TSPEAR: variants seen among roughly 807,000 people sequenced by gnomAD.
TSPEAR encodes thrombospondin type laminin G domain and EAR repeats, also known as thrombospondin-type laminin G domain and EAR repeat-containing protein.
A neutral mutation model predicts 71.6 loss-of-function variants in TSPEAR; 69 were observed. The observed-to-expected ratio is 0.96, with a 90% CI of 0.79 to 1.18. The LOEUF is 1.18. Among genes scored for constraint, TSPEAR ranks in the 50% most tolerant of loss-of-function variants. The pLI is 0.00. For missense variants in TSPEAR, 971 were observed against 894.9 expected (o/e 1.09, Z -1.09); for synonymous variants, 402 against 387.2 (o/e 1.04, Z -0.45).
chr21:44,686,999 T>C (rs781854569), intron 1 of TSPEAR, among the ~76,000 whole-genome samples: 1 of 152,178 alleles, frequency 6.6e-6, no homozygotes, highest in Non-Finnish European at 1.5e-5. Flanking sequence ...TGGCTGAAGC[T>C]GCTGAGTCCA....
intron 10 of TSPEAR, chr21:44,508,988 T>G: frequency 1.3e-6 from 2 of 1,526,454 alleles, no homozygotes; most frequent in Non-Finnish European, 1.8e-6. Context: ...GAACCAAACC[T>G]GTGTCTCAGG....
intron 11 of TSPEAR, 29 bp from the exon 12 acceptor site, chr21:44,499,965 A>G: frequency 4.4e-6 from 7 of 1,582,248 alleles, no homozygotes; most frequent in Non-Finnish European, 6.0e-6. Context: ...CAGCCGGGTC[A>G]GCCTGGGCTC....
At position 44,509,369 on chromosome 21, in the gene TSPEAR, G is replaced by C. The variant is rs1555912334; in HGVS notation, c.1584C>G (p.Asp528Glu). 1 of 1,613,526 alleles carries C rather than the reference G, an allele frequency of 6.2e-7. No individual in the cohort carries two copies. The highest frequency in any genetic ancestry group is 1.7e-5 in the Admixed American group (1 of 59,980). The change falls in exon 10 of 12, where the codon GAC (aspartate) becomes GAG (glutamate). Residue 528 changes from aspartate (D) to glutamate (E), a missense_variant. Transcript: ENST00000323084. ...FQSFPTFGAA[D>E]WEVFQIGERI... Reference sequence around the variant, plus strand: ...TCTCCCCGATCTGGAAGACCTCCCAGTCTGCAGCACCGAACGTCTAGGACC... The same window carrying C: ...TCTCCCCGATCTGGAAGACCTCCCACTCTGCAGCACCGAACGTCTAGGACC...
intron 2 of TSPEAR, chr21:44,557,846 C>A: frequency 4.6e-6 from 3 of 648,664 alleles, no homozygotes; most frequent in Non-Finnish European, 5.3e-6. Flanking sequence ...TGGGGCAGGA[C>A]ACAGTGACCA....
At chr21:44,664,190 C>T (rs1985634143) in intron 1 of TSPEAR, among the ~76,000 whole-genome samples, 1 of 151,872 alleles carries the variant, frequency 6.6e-6, no homozygotes, top group South Asian at 2.1e-4. Flanking sequence ...CTAGAAAATC[C>T]CCAAAATTCT....
Position 44,506,807 on chromosome 21 carries a change from C to T in TSPEAR, c.1755-1926G>A, listed in dbSNP as rs1273518263. 5.9e-5 allele frequency: 9 copies of T among 152,284 alleles called. No individual in the cohort carries two copies. In the East Asian group the frequency reaches 7.7e-4, roughly 13 times the overall value. 9.4% of individuals were successfully genotyped at this position (152,284 alleles called of 1,614,324 possible). A position where few individuals can be genotyped will look rare whatever the true frequency, so the allele number is the denominator to read the frequency against. On this transcript the variant is annotated intron_variant, in intron 10 of 11. Coordinates refer to ENST00000323084, the MANE Select transcript of TSPEAR (RefSeq NM_144991.3). This position sits in a 1 kb window ranked among gnomAD's most constrained non-coding sequence, Gnocchi z 4.2. ...ACCCGAGGAAGACAAGCGGCCACGT[C>T]GGATGTACCAGTGGTGGAAGATCCT...
chr21:44,529,867 A>T lies in TSPEAR; in HGVS notation c.721T>A (p.Ser241Thr). The T allele has an allele frequency of 6.2e-7, 1 of 1,613,736 alleles. No individual in the cohort carries two copies. Among genetic ancestry groups the T allele is most frequent in the South Asian group, 1.1e-5 (1 of 91,090 alleles). The change falls in exon 5 of 12, where the codon TCC becomes ACC. Residue 241 changes from serine to threonine, a missense_variant. Coordinates refer to ENST00000323084, the MANE Select transcript of TSPEAR (RefSeq NM_144991.3). ...AGAGCCTGCAGGACCCGTGGGATGG[A>T]CAGCACCGCCAGCGGGGCGTTCCTG... is the stretch of plus-strand genomic sequence containing the variant. Reference protein sequence around the residue: ...PSRNAPLAVLSIPRVLQALTG... With the variant: ...PSRNAPLAVLTIPRVLQALTG...
chr21:44,543,200 G>T (rs1289880081), intron 2 of TSPEAR, among the ~76,000 whole-genome samples: 1 of 152,048 alleles, frequency 6.6e-6, no homozygotes, highest in Non-Finnish European at 1.5e-5. Flanking sequence ...AGGAAATGAA[G>T]TGTAACAAAA....
chr21:44,601,841 G>C (rs1980952840), intron 1 of TSPEAR: 1 of 1,441,562 alleles, frequency 6.9e-7, no homozygotes, highest in African/African-American at 1.4e-5. Context: ...CCCTGCAGTG[G>C]ACGTCAGTGG....
intron 1 of TSPEAR, among the ~76,000 whole-genome samples, chr21:44,683,022 C>T (rs1569257391): frequency 6.6e-6 from 1 of 152,028 alleles, no homozygotes; most frequent in Non-Finnish European, 1.5e-5. Context: ...AGAGTGAAGC[C>T]CCCCTCCAGT....
intron 1 of TSPEAR, among the ~76,000 whole-genome samples, chr21:44,659,807 A>G (rs1451956950): frequency 4.6e-5 from 7 of 152,218 alleles, no homozygotes; most frequent in African/African-American, 1.7e-4. Flanking sequence ...AGTAGAAAGT[A>G]AAATCACACA....
intron 1 of TSPEAR, among the ~76,000 whole-genome samples, chr21:44,678,852 A>G (rs1211499084): frequency 5.9e-5 from 9 of 152,242 alleles, no homozygotes; most frequent in African/African-American, 2.2e-4. Flanking sequence ...TGAAAAAGTA[A>G]GCAAAAAGGC....
chr21:44,510,966 G>A (rs587765459), intron 9 of TSPEAR: 2 of 152,348 alleles, frequency 1.3e-5, no homozygotes, highest in Admixed American at 1.3e-4. Context: ...ATTCCTATCT[G>A]CTGGAGAACA....
chr21:44,612,756 C>A lies in TSPEAR; in HGVS notation c.83-44751G>T. 2 of 1,613,492 alleles carry A rather than the reference C, an allele frequency of 1.2e-6. No individual in the cohort carries two copies. Among genetic ancestry groups the A allele is most frequent in the Non-Finnish European group, 1.7e-6 (2 of 1,179,850 alleles). ...CTCCTCTGCCGCCCTGTGTGCCGGC[C>A]TGCCTGCTGTGTGCCTGTCCCCTCC... On this transcript the variant is annotated intron_variant, in intron 1 of 11. Transcript: ENST00000323084. The surrounding 1 kb of genome is among the most constrained non-coding windows in gnomAD (Gnocchi z 4.1).
chr21:44,615,555 T>TG (rs1264927539), intron 1 of TSPEAR, among the ~76,000 whole-genome samples: 59 of 140,746 alleles, frequency 4.2e-4, no homozygotes, highest in African/African-American at 1.4e-3. Context: ...AAAGGTTTTT[T>TG]TTTTTTTTTT....
chr21:44,584,706 G>A (rs1011783789), intron 1 of TSPEAR, among the ~76,000 whole-genome samples: 2 of 152,118 alleles, frequency 1.3e-5, no homozygotes, highest in African/African-American at 2.4e-5. Flanking sequence ...GTCTTCTTCT[G>A]AGCTCTGGAA....
chr21:44,508,670 T>C, intron 10 of TSPEAR: 1 of 1,197,634 alleles, frequency 8.3e-7, no homozygotes, highest in South Asian at 1.5e-5. Context: ...ACCATCACTT[T>C]CTCGTACATA....
chr21:44,519,804 A>T (rs1601352577), intron 9 of TSPEAR: 1 of 152,296 alleles, frequency 6.6e-6, no homozygotes, highest in South Asian at 2.1e-4. Flanking sequence ...TGTGGATAAC[A>T]GGGACCAGTG....
At chr21:44,557,800 T>C (rs900755343) in intron 2 of TSPEAR, 1 of 556,636 alleles carries the variant, frequency 1.8e-6, no homozygotes, top group Non-Finnish European at 3.2e-6. Flanking sequence ...GAGGGCACAT[T>C]GGTGACTTTA....
Sources: gnomAD v4.1 joint callset for allele counts (sites outside exome capture counted in the v4.1 genomes callset) on GRCh38, gnomAD v4.1.1 for gene constraint, Gnocchi (gnomAD v3.1) non-coding constraint, MANE v1.5 for transcripts, NCBI Gene and HGNC (gene_info 2026-07-23, HGNC 2026-07-21) for gene names.